BSN: variants seen among roughly 807,000 people sequenced by gnomAD.
BSN encodes the protein bassoon presynaptic cytomatrix protein.
A neutral mutation model predicts 264.8 loss-of-function variants in BSN; 57 were observed. The ratio of observed to expected loss-of-function variants is 0.22; its 90% CI spans 0.17 to 0.27. BSN has a LOEUF of 0.27. BSN is among the 10% of genes least tolerant of loss of function. The pLI is 1.00. For synonymous variants in BSN, 2,059 were observed against 2,137.3 expected, an observed-to-expected ratio of 0.96 and a Z score of 1.01; for missense variants, 4,615 against 5,232.5, an observed-to-expected ratio of 0.88 and a Z score of 3.64.
intron 3 of BSN, among the ~76,000 whole-genome samples, chr3:49,645,749 G>T (rs2052499918): frequency 6.6e-6 from 1 of 152,166 alleles, no homozygotes; most frequent in Non-Finnish European, 1.5e-5. Flanking sequence ...GCTTCTCTGT[G>T]ACCTACTTGG....
chr3:49,602,449 T>C (rs1216034387), intron 1 of BSN, among the ~76,000 whole-genome samples: 1 of 151,440 alleles, frequency 6.6e-6, no homozygotes, highest in African/African-American at 2.4e-5. Context: ...CTTTAAATTT[T>C]TTTTTTTTTT....
intron 1 of BSN, among the ~76,000 whole-genome samples, chr3:49,559,056 A>G (rs899984304): frequency 6.6e-6 from 1 of 151,902 alleles, no homozygotes; most frequent in Non-Finnish European, 1.5e-5. Context: ...CCTCCTGAGT[A>G]GCTGGTATTA....
chr3:49,629,989 G>A (rs1336693901), intron 2 of BSN, among the ~76,000 whole-genome samples: 1 of 152,218 alleles, frequency 6.6e-6, no homozygotes, highest in East Asian at 1.9e-4. Flanking sequence ...CAGGGTGGGC[G>A]GCGTGGAGAA....
In BSN at chr3:49,625,209, A is replaced by G. The variant is rs1443391082; in HGVS notation, c.459A>G (p.Thr153=). Residue 153 remains threonine (T), a synonymous_variant, in exon 2 of 12, where the codon ACA becomes ACG. Coordinates refer to ENST00000296452, the MANE Select transcript of BSN (RefSeq NM_003458.4). This position sits in a 1 kb window ranked among gnomAD's most constrained non-coding sequence, Gnocchi z 4.4. The part of the protein sequence containing the change: ...SVSPDRGSTP[T]SPYSVPQIAP... ...CACCGGACAGAGGCAGCACCCCCAC[A>G]TCACCCTACTCCGTCCCTCAGATCG... is the stretch of plus-strand genomic sequence containing the variant. 6.4e-7 allele frequency: 1 copy of G among 1,560,760 alleles called. No homozygotes were observed. The highest frequency in any genetic ancestry group is 8.7e-7 in the Non-Finnish European group (1 of 1,152,884).
intron 3 of BSN, among the ~76,000 whole-genome samples, chr3:49,649,579 C>T (rs2052523595): frequency 6.6e-6 from 1 of 152,206 alleles, no homozygotes; most frequent in Non-Finnish European, 1.5e-5. Context: ...CAGGAATCAC[C>T]CATTTAGGCC....
chr3:49,656,396 C>A lies in BSN; in HGVS notation c.6840C>A (p.Val2280=). Residue 2280 remains valine (V), a synonymous_variant, in exon 5 of 12, where the codon GTC becomes GTA. Transcript: ENST00000296452. The part of the protein sequence containing the change: ...ASSVPPAEGP[V]YLGKPAAAKA... The stretch of plus-strand genomic sequence containing the variant: ...GTGTTCCACCTGCAGAAGGGCCTGT[C>A]TATCTGGGGAAACCTGCTGCTGCCA... The A allele has an allele frequency of 6.3e-7, 1 of 1,591,912 alleles. No individual in the cohort carries two copies. The highest frequency in any genetic ancestry group is 8.6e-7 in the Non-Finnish European group (1 of 1,168,240).
At chr3:49,559,116 G>A (rs951735010) in intron 1 of BSN, among the ~76,000 whole-genome samples, 6 of 152,096 alleles carry the variant, frequency 3.9e-5, no homozygotes, top group East Asian at 1.9e-4. Flanking sequence ...TAGTAGAGAC[G>A]GGGTTTCACC....
At chr3:49,605,148 T>C (rs1420743590) in intron 1 of BSN, among the ~76,000 whole-genome samples, 2 of 147,088 alleles carry the variant, frequency 1.4e-5, no homozygotes, top group African/African-American at 2.5e-5. Context: ...TAATCATAGC[T>C]ACTTGGGAGG....
At chr3:49,604,767 C>A (rs1372009924) in intron 1 of BSN, among the ~76,000 whole-genome samples, 1 of 152,002 alleles carries the variant, frequency 6.6e-6, no homozygotes, top group Non-Finnish European at 1.5e-5. Context: ...GGAACACAGT[C>A]TGCTCCCATT....
At chr3:49,596,715 C>T (rs1323078412) in intron 1 of BSN, among the ~76,000 whole-genome samples, 1 of 152,050 alleles carries the variant, frequency 6.6e-6, no homozygotes, top group Non-Finnish European at 1.5e-5. Flanking sequence ...TAGTCTTAGT[C>T]ACAGACGTGA....
In BSN at chr3:49,638,335, A is replaced by G. The variant is rs1401126398; in HGVS notation, c.634-3933A>G. 2.0e-5 allele frequency among the ~76,000 whole-genome samples: 3 copies of G among 152,198 alleles called. No homozygotes were observed. Among genetic ancestry groups the G allele is most frequent in the Non-Finnish European group, 4.4e-5 (3 of 68,014 alleles). Reference sequence around the variant, plus strand: ...GGCGGGTGGGTTGGGGTGCACAGCCATCATCTCTCTCCCTACCCCGTGGAC... The same window carrying G: ...GGCGGGTGGGTTGGGGTGCACAGCCGTCATCTCTCTCCCTACCCCGTGGAC... On this transcript the variant is annotated intron_variant, in intron 2 of 11. Coordinates refer to ENST00000296452, the MANE Select transcript of BSN (RefSeq NM_003458.4). The surrounding 1 kb of genome is among the most constrained non-coding windows in gnomAD (Gnocchi z 4.3).
intron 1 of BSN, among the ~76,000 whole-genome samples, chr3:49,572,158 T>C (rs550838203): frequency 6.6e-6 from 1 of 152,316 alleles, no homozygotes; most frequent in Non-Finnish European, 1.5e-5. Context: ...GGAGCTCTTT[T>C]CTTGGGAAAA....
intron 9 of BSN, 107 bp downstream of exon 9, chr3:49,664,661 C>A: frequency 2.6e-6 from 4 of 1,536,170 alleles, no homozygotes; most frequent in Non-Finnish European, 3.5e-6. Flanking sequence ...AGCCAGAGAG[C>A]CCACCTGCTG....
At chr3:49,634,738 A>AT (rs1337827156) in intron 2 of BSN, among the ~76,000 whole-genome samples, 1 of 152,258 alleles carries the variant, frequency 6.6e-6, no homozygotes, top group Non-Finnish European at 1.5e-5. Context: ...GACAGAGGTG[A>AT]TGGTTACACA....
intron 8 of BSN, 137 bp from the exon 9 acceptor site, chr3:49,664,286 T>G: frequency 8.6e-7 from 1 of 1,165,206 alleles, no homozygotes; most frequent in Non-Finnish European, 1.2e-6. Context: ...CCTTCTTCTC[T>G]TTATTTCCCT....
intron 8 of BSN, 122 bp from the exon 9 acceptor site, chr3:49,664,301 T>G (rs2052692210): frequency 2.3e-6 from 3 of 1,294,392 alleles, no homozygotes; most frequent in Non-Finnish European, 2.2e-6. Context: ...TTCCCTAGCC[T>G]CCTTCTCACC....
intron 1 of BSN, among the ~76,000 whole-genome samples, chr3:49,611,045 C>G (rs1174022501): frequency 6.6e-6 from 1 of 152,174 alleles, no homozygotes; most frequent in African/African-American, 2.4e-5. Context: ...TGCTGAGTCT[C>G]TCATCAGTAT....
In BSN at chr3:49,661,813, G is replaced by A; in HGVS notation, c.9968G>A (p.Ser3323Asn). Residue 3323 changes from serine (S) to asparagine (N), a missense_variant, in exon 6 of 12, where the codon AGT becomes AAT. This residue lies in a region of BSN where 3,415 missense variants were observed against 3,866.4 expected (regional missense o/e 0.88). Transcript: ENST00000296452. The part of the protein sequence containing the change: ...RPASTHYYGD[S>N]DYRHGARVEK... Reference sequence around the variant, plus strand: ...GCCAGTACCCACTACTATGGTGACAGTGACTACAGGCATGGGGCTCGAGTA... The same window carrying A: ...GCCAGTACCCACTACTATGGTGACAATGACTACAGGCATGGGGCTCGAGTA... The A allele has an allele frequency of 2.5e-6, 4 of 1,613,638 alleles. No homozygotes were observed. Among genetic ancestry groups the A allele is most frequent in the Non-Finnish European group, 3.4e-6 (4 of 1,180,052 alleles).
At position 49,651,790 on chromosome 3, in the gene BSN, G is replaced by A. The variant is rs1343137658; in HGVS notation, c.2234G>A (p.Arg745Gln). ...LQAQGLAPSE[R>Q]SKPLSSGTGE... ...GCCCAGGGCCTGGCCCCAAGTGAGCGGAGCAAGCCACTCTCCAGCGGTACT... is the reference window on the plus strand; with the variant it reads ...GCCCAGGGCCTGGCCCCAAGTGAGCAGAGCAAGCCACTCTCCAGCGGTACT... Residue 745 changes from arginine (R) to glutamine (Q), a missense_variant, in exon 5 of 12, where the codon CGG becomes CAG. Physicochemically the swap from Arg to Gln is conservative, Grantham distance 43. Coordinates refer to ENST00000296452, the MANE Select transcript of BSN (RefSeq NM_003458.4). This position sits in a 1 kb window ranked among gnomAD's most constrained non-coding sequence, Gnocchi z 5.4. The A allele has an allele frequency of 6.2e-6, 10 of 1,613,242 alleles. No individual in the cohort carries two copies. Among genetic ancestry groups the A allele is most frequent in the African/African-American group, 1.3e-5 (1 of 75,048 alleles).
Sources: gnomAD v4.1 joint callset for allele counts (sites outside exome capture counted in the v4.1 genomes callset) on GRCh38, gnomAD v4.1.1 for gene constraint, gnomAD v4.1.1 regional missense constraint, Gnocchi (gnomAD v3.1) non-coding constraint, MANE v1.5 for transcripts, NCBI Gene and HGNC (gene_info 2026-07-23, HGNC 2026-07-21) for gene names.